The following SYCP1 variants were observed in gnomAD, a reference collection of about 807,000 sequenced individuals.
SYCP1 encodes the protein synaptonemal complex protein 1.
A neutral mutation model predicts 153.1 loss-of-function variants in SYCP1; 64 were observed. The ratio of observed to expected loss-of-function variants is 0.42; its 90% CI spans 0.34 to 0.51. The LOEUF (loss-of-function observed/expected upper bound fraction) is 0.51, where lower values mean the gene tolerates loss of function less well. Among genes scored for constraint, SYCP1 ranks in the 20% least tolerant of loss-of-function variants. The pLI, the probability that SYCP1 is intolerant of heterozygous loss-of-function variation, is 0.06. For synonymous variants in SYCP1, 384 were observed against 341.8 expected (o/e 1.12, Z -1.36); for missense variants, 997 against 1,049.0 (o/e 0.95, Z 0.68).
At chr1:114,944,699 T>C (rs1413852914) in intron 24 of SYCP1, among the ~76,000 whole-genome samples, 173 bp from the exon 25 acceptor site, 1 of 151,890 alleles carries the variant, frequency 6.6e-6, no homozygotes, top group Non-Finnish European at 1.5e-5. Context: ...TATAGTGTCA[T>C]CTTACTTCAT....
rs1670559209 is a variant in SYCP1 at position 114,944,373 on chromosome 1, A to G, written c.1961A>G (p.Lys654Arg). 1.2e-6 allele frequency: 2 copies of G among 1,606,848 alleles called. No individual in the cohort carries two copies. Among genetic ancestry groups the G allele is most frequent in the Admixed American group, 3.4e-5 (2 of 58,906 alleles). Residue 654 changes from lysine to arginine, a missense_variant, in exon 24 of 32, where the codon AAA becomes AGA. By Grantham distance (26) the Lys-to-Arg change is conservative. Transcript: ENST00000369522. The stretch of plus-strand genomic sequence containing the variant: ...TTAGAGTTAGAACTAGAAAGTGCCA[A>G]ACAGAAATTTGGAGAAATCACAGAC... ...NKLELELESA[K>R]QKFGEITDTY... is the part of the protein sequence containing the mutation.
chr1:114,931,840 A>C (rs1669653643), intron 23 of SYCP1, among the ~76,000 whole-genome samples: 1 of 152,156 alleles, frequency 6.6e-6, no homozygotes, highest in Non-Finnish European at 1.5e-5. Context: ...TAATTAAGAC[A>C]ATGAGGTATT....
chr1:114,941,582 T>C lies in SYCP1; in HGVS notation c.1927-2757T>C, dbSNP rs181200887. 1.0e-3 allele frequency among the ~76,000 whole-genome samples: 158 copies of C among 152,258 alleles called. 2 individuals are homozygous for C. The highest frequency in any genetic ancestry group is 3.7e-3 in the African/African-American group (153 of 41,566). On this transcript the variant is annotated intron_variant, in intron 23 of 31. Coordinates refer to ENST00000369522, the MANE Select transcript of SYCP1 (RefSeq NM_003176.4). ...ACTACATTATCTCCTTTATCTCTTA[T>C]GTCTTACTTATATGTTAGTATACTA...
chr1:114,959,251 A>G (rs1247583533), intron 27 of SYCP1, among the ~76,000 whole-genome samples: 1 of 152,160 alleles, frequency 6.6e-6, no homozygotes, highest in Non-Finnish European at 1.5e-5. Flanking sequence ...TTCCATTAAT[A>G]TTATGTATTA....
At chr1:114,934,681 C>T (rs1321044206) in intron 23 of SYCP1, among the ~76,000 whole-genome samples, 1 of 152,070 alleles carries the variant, frequency 6.6e-6, no homozygotes, top group Non-Finnish European at 1.5e-5. Context: ...TGTGCAGAGA[C>T]ACACAGGATC....
At chr1:114,923,426 G>T (rs760901400) in intron 20 of SYCP1, 23 bp from the exon 21 acceptor site, 16 of 1,545,666 alleles carry the variant, frequency 1.0e-5, no homozygotes, top group Non-Finnish European at 1.4e-5. Flanking sequence ...TTAGTATAAT[G>T]TCACTCTTCC....
intron 27 of SYCP1, among the ~76,000 whole-genome samples, chr1:114,960,516 T>A (rs1671723076): frequency 6.6e-6 from 1 of 152,140 alleles, no homozygotes; most frequent in Non-Finnish European, 1.5e-5. Flanking sequence ...CTAATTTACA[T>A]TCCCACCAGC....
chr1:114,869,461 T>C (rs999963468), intron 8 of SYCP1, among the ~76,000 whole-genome samples: 3 of 152,208 alleles, frequency 2.0e-5, no homozygotes, highest in Non-Finnish European at 2.9e-5. Flanking sequence ...ATATGGTCTA[T>C]CTTGATGAAT....
At chr1:114,912,162 CT>C (rs1411194426) in intron 18 of SYCP1, among the ~76,000 whole-genome samples, 2 of 151,882 alleles carry the variant, frequency 1.3e-5, no homozygotes, top group Non-Finnish European at 2.9e-5. Flanking sequence ...CTCTCCCTTC[CT>C]TTTTATCTAA....
intron 12 of SYCP1, among the ~76,000 whole-genome samples, chr1:114,881,241 T>A (rs532690354): frequency 9.1e-4 from 138 of 152,324 alleles, no homozygotes; most frequent in African/African-American, 3.1e-3. Context: ...GTTTTACCCA[T>A]GTATTTTTTT....
At chr1:114,956,685 G>C (rs1318585146) in intron 27 of SYCP1, among the ~76,000 whole-genome samples, 1 of 152,138 alleles carries the variant, frequency 6.6e-6, no homozygotes, top group Non-Finnish European at 1.5e-5. Flanking sequence ...ACCCTCCTTG[G>C]ATCTTTCCCA....
At chr1:114,897,277 G>A (rs1667137477) in intron 16 of SYCP1, among the ~76,000 whole-genome samples, 1 of 152,182 alleles carries the variant, frequency 6.6e-6, no homozygotes, top group Admixed American at 6.5e-5. Flanking sequence ...CCTGGCAAAA[G>A]GGGCCAATGT....
At chr1:114,878,741 C>T (rs1219962596) in intron 12 of SYCP1, among the ~76,000 whole-genome samples, 7 of 152,124 alleles carry the variant, frequency 4.6e-5, no homozygotes, top group Admixed American at 4.6e-4. Context: ...CGGGTTTTCG[C>T]CTTGTTGGCC....
chr1:114,876,603 T>C (rs1256990924), intron 10 of SYCP1, 134 bp from the exon 11 acceptor site: 4 of 374,854 alleles, frequency 1.1e-5, no homozygotes, highest in African/African-American at 8.4e-5. Context: ...CAATATTAGC[T>C]CATTACAAAC....
chr1:114,977,864 G>T (rs1218502276), intron 28 of SYCP1, among the ~76,000 whole-genome samples: 1 of 151,382 alleles, frequency 6.6e-6, no homozygotes, highest in Non-Finnish European at 1.5e-5. Context: ...AAAAAAGAAG[G>T]TTTCAGTCTT....
Position 114,885,637 on chromosome 1 carries a change from T to G in SYCP1, c.1005+8T>G. 6.7e-7 allele frequency: 1 copy of G among 1,496,070 alleles called. No homozygotes were observed. 92.7% of individuals were successfully genotyped at this position (1,496,070 alleles called of 1,614,324 possible). On this transcript the variant is annotated splice_region_variant and intron_variant, in intron 13 of 31. Coordinates refer to ENST00000369522, the MANE Select transcript of SYCP1 (RefSeq NM_003176.4). ...TCATTACAAAGAAGTGTGGTATGAT[T>G]TAAAAACTCATTAGTGTGTAATAAG...
At chr1:114,928,283 T>A (rs1040341467) in intron 23 of SYCP1, among the ~76,000 whole-genome samples, 11 of 135,700 alleles carry the variant, frequency 8.1e-5, no homozygotes, top group African/African-American at 2.8e-4. Flanking sequence ...AAAAAGAAAC[T>A]TTTAAAGGCA....
At chr1:114,917,502 C>T (rs1668582736) in intron 20 of SYCP1, among the ~76,000 whole-genome samples, 3 of 152,182 alleles carry the variant, frequency 2.0e-5, no homozygotes, top group African/African-American at 4.8e-5. Flanking sequence ...TGGGTGTATA[C>T]ACAGGAGTGG....
intron 1 of SYCP1, 93 bp from the exon 2 acceptor site, chr1:114,855,348 G>T: frequency 4.8e-6 from 3 of 622,224 alleles, no homozygotes; most frequent in Non-Finnish European, 7.8e-6. Flanking sequence ...TAGCCATTTA[G>T]TTTGTAAACA....
Sources: gnomAD v4.1 joint callset for allele counts (sites outside exome capture counted in the v4.1 genomes callset) on GRCh38, gnomAD v4.1.1 for gene constraint, MANE v1.5 for transcripts, NCBI Gene and HGNC (gene_info 2026-07-23, HGNC 2026-07-21) for gene names.